Variants in CALN1 observed in about 807,000 individuals in gnomAD.
The protein encoded by CALN1 is calcium-binding protein 8.
Under a neutral mutation model 30.6 loss-of-function variants are expected in CALN1, and 17 were observed. That is an observed-to-expected ratio of 0.56 (90% CI 0.38 to 0.83). The LOEUF (loss-of-function observed/expected upper bound fraction) is 0.83. Ranked by LOEUF, CALN1 falls within the 40% of genes least tolerant of loss-of-function variation. CALN1 has a pLI of 0.00. For missense variants in CALN1, 291 were observed against 354.9 expected (o/e 0.82, Z 1.45); for synonymous variants, 156 against 131.4 (o/e 1.19, Z -1.28).
intron 5 of CALN1, among the ~76,000 whole-genome samples, chr7:71,860,575 G>A (rs11983405): frequency 0.013 from 2,005 of 152,190 alleles, 52 homozygotes; most frequent in African/African-American, 0.045. Flanking sequence ...TTTCTTGGGT[G>A]AGATCCAGGA....
intron 4 of CALN1, among the ~76,000 whole-genome samples, chr7:72,054,405 A>G (rs13232976): frequency 3.9e-4 from 10 of 25,628 alleles, no homozygotes; most frequent in East Asian, 0.083. Flanking sequence ...ATATGTACAT[A>G]TATATATATA....
intron 2 of CALN1, among the ~76,000 whole-genome samples, chr7:72,375,004 ATACT>A (rs145749456): frequency 0.011 from 1,683 of 152,306 alleles, 39 homozygotes; most frequent in African/African-American, 0.038. Flanking sequence ...TTAGTTATTT[ATACT>A]TACAAAAACT....
At chr7:72,197,284 C>T (rs1024792625) in intron 3 of CALN1, among the ~76,000 whole-genome samples, 1 of 147,134 alleles carries the variant, frequency 6.8e-6, no homozygotes, top group African/African-American at 2.5e-5. Context: ...TCACTGCAAC[C>T]TCCGCCTCCC....
At chr7:72,128,230 A>G (rs1444793391) in intron 3 of CALN1, among the ~76,000 whole-genome samples, 1 of 152,228 alleles carries the variant, frequency 6.6e-6, no homozygotes, top group Non-Finnish European at 1.5e-5. Context: ...TTAGCTAAAT[A>G]AATAATATGA....
At chr7:72,234,688 C>T (rs369630739) in intron 3 of CALN1, among the ~76,000 whole-genome samples, 60 of 152,194 alleles carry the variant, frequency 3.9e-4, no homozygotes, top group African/African-American at 1.3e-3. Flanking sequence ...GCAAGTGATC[C>T]GCCCGCCTTG....
chr7:72,269,250 C>T (rs1484768509), intron 3 of CALN1, among the ~76,000 whole-genome samples: 1 of 152,072 alleles, frequency 6.6e-6, no homozygotes, highest in Non-Finnish European at 1.5e-5. Flanking sequence ...GGTACATGTG[C>T]ACAATGCGCA....
intron 5 of CALN1, among the ~76,000 whole-genome samples, chr7:71,988,514 C>G (rs1044447424): frequency 6.6e-6 from 1 of 152,184 alleles, no homozygotes; most frequent in Non-Finnish European, 1.5e-5. Flanking sequence ...CATCCTTTCT[C>G]CGACACATGG....
intron 2 of CALN1, among the ~76,000 whole-genome samples, chr7:72,315,178 A>G (rs1344551295): frequency 1.3e-5 from 2 of 151,796 alleles, no homozygotes; most frequent in East Asian, 3.9e-4. Context: ...TAATAAACAC[A>G]AAGTTAAAAA....
intron 5 of CALN1, among the ~76,000 whole-genome samples, chr7:71,976,566 G>A (rs17144167): frequency 0.039 from 5,870 of 152,284 alleles, 328 homozygotes; most frequent in African/African-American, 0.13. Context: ...TCCCAGAGAT[G>A]GGAAATGAAC....
At chr7:72,396,002 G>T (rs1002804779) in intron 2 of CALN1, among the ~76,000 whole-genome samples, 4 of 151,850 alleles carry the variant, frequency 2.6e-5, no homozygotes, top group Non-Finnish European at 5.9e-5. Context: ...ACTGGCCATT[G>T]CTTGACATCG....
chr7:72,133,690 C>T (rs190440493), intron 3 of CALN1, among the ~76,000 whole-genome samples: 175 of 152,284 alleles, frequency 1.1e-3, no homozygotes, highest in Middle Eastern at 6.8e-3. Flanking sequence ...GCGGACTCCA[C>T]CTGAATTCAA....
chr7:72,083,477 G>T (rs995930714), intron 4 of CALN1, among the ~76,000 whole-genome samples: 5 of 152,086 alleles, frequency 3.3e-5, no homozygotes, highest in Non-Finnish European at 5.9e-5. Flanking sequence ...CTAGTGCTTT[G>T]TAAGGCCGAG....
chr7:72,294,172 A>C (rs1798685435), intron 2 of CALN1, among the ~76,000 whole-genome samples: 1 of 152,144 alleles, frequency 6.6e-6, no homozygotes. Context: ...CACAAAAACA[A>C]CACTATCTCC....
chr7:72,479,347 C>T, the CALN1 span, among the ~76,000 whole-genome samples: 1 of 152,202 alleles, frequency 6.6e-6, no homozygotes, highest in South Asian at 2.1e-4. Context: ...TATGCCTTGT[C>T]TTTTCATTCC....
At chr7:72,125,226 G>C (rs1424750605) in intron 3 of CALN1, among the ~76,000 whole-genome samples, 1 of 152,094 alleles carries the variant, frequency 6.6e-6, no homozygotes, top group African/African-American at 2.4e-5. Flanking sequence ...TGTTGGCCAG[G>C]CTGGTCTCAA....
At chr7:71,930,374 G>A (rs761867645) in intron 5 of CALN1, among the ~76,000 whole-genome samples, 4 of 152,066 alleles carry the variant, frequency 2.6e-5, no homozygotes, top group Non-Finnish European at 5.9e-5. Flanking sequence ...TATCTTCTTA[G>A]GAAAACTGTA....
intron 1 of CALN1, among the ~76,000 whole-genome samples, chr7:72,422,895 G>A (rs2129563714): frequency 6.6e-6 from 1 of 152,272 alleles, no homozygotes; most frequent in South Asian, 2.1e-4. Flanking sequence ...TTGGGAGGCT[G>A]AGGCAGGCAG....
chr7:72,453,993 A>AATATATATATATATATATATATAT, the CALN1 span, among the ~76,000 whole-genome samples: 1 of 148,138 alleles, frequency 6.8e-6, no homozygotes, highest in African/African-American at 2.5e-5. Flanking sequence ...ACAACCAAAA[A>AATATATATATATATATATATATAT]ATATATATAT....
At chr7:72,073,104 G>T (rs1049197079) in intron 4 of CALN1, among the ~76,000 whole-genome samples, 16 of 152,068 alleles carry the variant, frequency 1.1e-4, no homozygotes, top group Non-Finnish European at 4.4e-5. Context: ...CTACAATATG[G>T]GAGAAACTTG....
Sources: allele counts gnomAD v4.1 joint callset (sites outside exome capture counted in the v4.1 genomes callset), GRCh38; gene constraint gnomAD v4.1.1; transcripts MANE v1.5; gene names NCBI Gene and HGNC (gene_info 2026-07-23, HGNC 2026-07-21).